Variants in HTT-AS observed in about 807,000 individuals in gnomAD.
HTT-AS encodes HTT antisense RNA (head to head).
chr4:3,047,088 G>A (rs1326946524), downstream of HTT-AS, among the ~76,000 whole-genome samples: 1 of 152,230 alleles, frequency 6.6e-6, no homozygotes, highest in African/African-American at 2.4e-5. Flanking sequence ...GAGGTGGGCA[G>A]ATCATGAGGT....
chr4:3,057,128 G>T (rs1311064591), intron 2 of HTT-AS, among the ~76,000 whole-genome samples: 1 of 151,934 alleles, frequency 6.6e-6, no homozygotes, highest in Non-Finnish European at 1.5e-5. Flanking sequence ...CTGCCTCCCG[G>T]GTTCAAGCAA....
chr4:3,056,723 G>A (rs1042357868), intron 2 of HTT-AS, among the ~76,000 whole-genome samples: 1 of 152,106 alleles, frequency 6.6e-6, no homozygotes, highest in South Asian at 2.1e-4. Flanking sequence ...CCAGAAACTA[G>A]GTATTTCCTT....
chr4:3,047,728 C>T (rs896799135), downstream of HTT-AS, among the ~76,000 whole-genome samples: 1 of 152,184 alleles, frequency 6.6e-6, no homozygotes, highest in African/African-American at 2.4e-5. Flanking sequence ...ATCAGTCAGG[C>T]CCGCCCACAG....
chr4:3,051,757 T>C (rs545302010), intron 2 of HTT-AS, among the ~76,000 whole-genome samples: 1 of 151,222 alleles, frequency 6.6e-6, no homozygotes, highest in African/African-American at 2.5e-5. Context: ...GTAGGCTTTA[T>C]GTGTCTTCCC....
intron 1 of HTT-AS, among the ~76,000 whole-genome samples, chr4:3,067,717 T>C (rs771793999): frequency 1.3e-5 from 2 of 152,108 alleles, no homozygotes; most frequent in African/African-American, 2.4e-5. Flanking sequence ...ATCCTGACCT[T>C]AGAAATCTTT....
At chr4:3,058,409 A>G (rs1711850667) in intron 2 of HTT-AS, among the ~76,000 whole-genome samples, 1 of 152,078 alleles carries the variant, frequency 6.6e-6, no homozygotes, top group Non-Finnish European at 1.5e-5. Context: ...GGCTGGTGGG[A>G]GTGCCTTTTA....
intron 1 of HTT-AS, among the ~76,000 whole-genome samples, chr4:3,067,882 T>C (rs1343270571): frequency 6.6e-6 from 1 of 152,150 alleles, no homozygotes; most frequent in Non-Finnish European, 1.5e-5. Flanking sequence ...CCCCCAGACG[T>C]ATCACTGCAA....
chr4:3,065,245 CTT>C (rs547699007), intron 1 of HTT-AS, among the ~76,000 whole-genome samples: 1 of 138,038 alleles, frequency 7.2e-6, no homozygotes, highest in African/African-American at 3.0e-5. Flanking sequence ...TTTCTTTCTT[CTT>C]TTTTTTTTTT....
At chr4:3,059,917 G>GGTT (rs1553907712) in intron 2 of HTT-AS, among the ~76,000 whole-genome samples, 5 of 136,240 alleles carry the variant, frequency 3.7e-5, no homozygotes, top group African/African-American at 1.1e-4. Flanking sequence ...TTGTCCCTGT[G>GGTT]TTTTTTGTTT....
intron 2 of HTT-AS, among the ~76,000 whole-genome samples, chr4:3,058,822 C>T (rs1481377291): frequency 6.6e-6 from 1 of 151,822 alleles, no homozygotes; most frequent in African/African-American, 2.4e-5. Context: ...GAGGTTCCAG[C>T]GATTCTCTTG....
chr4:3,068,575 C>G (rs375565412), intron 1 of HTT-AS, among the ~76,000 whole-genome samples: 1 of 151,122 alleles, frequency 6.6e-6, no homozygotes, highest in African/African-American at 2.4e-5. Flanking sequence ...ATGGAAAATT[C>G]GGGGGCCAAT....
chr4:3,054,193 T>G (rs1041276209), intron 2 of HTT-AS, among the ~76,000 whole-genome samples: 2 of 151,782 alleles, frequency 1.3e-5, no homozygotes, highest in African/African-American at 4.8e-5. Context: ...CAAAGAAGAT[T>G]ACAAAGAAAA....
chr4:3,054,928 T>G (rs1390824866), intron 2 of HTT-AS, among the ~76,000 whole-genome samples: 2 of 151,930 alleles, frequency 1.3e-5, no homozygotes, highest in African/African-American at 4.8e-5. Flanking sequence ...TTGGCCAGGC[T>G]GGTCTTGAAC....
intron 1 of HTT-AS, among the ~76,000 whole-genome samples, chr4:3,071,125 C>G (rs921601978): frequency 1.3e-5 from 2 of 152,268 alleles, no homozygotes; most frequent in African/African-American, 2.4e-5. Flanking sequence ...ATGTAAAGTC[C>G]CGATGATCCA....
chr4:3,068,896 C>T (rs1351118155), intron 1 of HTT-AS, among the ~76,000 whole-genome samples: 1 of 152,058 alleles, frequency 6.6e-6, no homozygotes, highest in African/African-American at 2.4e-5. Context: ...CTCAGGTGAT[C>T]CACCTGCCTG....
intron 2 of HTT-AS, among the ~76,000 whole-genome samples, chr4:3,060,540 G>C (rs1711905037): frequency 1.3e-5 from 2 of 152,220 alleles, no homozygotes; most frequent in Non-Finnish European, 2.9e-5. Flanking sequence ...TATTTAGGCA[G>C]ATACTGAGGG....
At chr4:3,047,240 G>A (rs1711607924), downstream of HTT-AS, among the ~76,000 whole-genome samples, 1 of 152,150 alleles carries the variant, frequency 6.6e-6, no homozygotes, top group African/African-American at 2.4e-5. Context: ...GAACCCGGGA[G>A]GCGGAGCTTG....
chr4:3,074,579 G>T (rs368519841), upstream of HTT-AS: 8 of 364,152 alleles, frequency 2.2e-5, 1 homozygote, highest in Non-Finnish European at 2.4e-5. Flanking sequence ...GGCAGAGTCC[G>T]CAGGCTAGGG....
chr4:3,053,464 T>G (rs575018831), intron 2 of HTT-AS, among the ~76,000 whole-genome samples: 1 of 152,144 alleles, frequency 6.6e-6, no homozygotes, highest in East Asian at 1.9e-4. Context: ...ACTCAGGAGG[T>G]GGAGGTTGCC....
Sources: allele counts gnomAD v4.1 joint callset (sites outside exome capture counted in the v4.1 genomes callset), GRCh38; gene constraint gnomAD v4.1.1; transcripts MANE v1.5; gene names NCBI Gene and HGNC (gene_info 2026-07-23, HGNC 2026-07-21).